Variants in TRDN observed in about 807,000 individuals in gnomAD.
The protein encoded by TRDN is triadin, also known as triadin in skeletal muscle.
Under a neutral mutation model 149.7 loss-of-function variants are expected in TRDN, and 161 were observed. The observed-to-expected ratio is 1.08, with a 90% CI of 0.95 to 1.23. The LOEUF (loss-of-function observed/expected upper bound fraction) is 1.23, where lower values mean the gene tolerates loss of function less well. Among genes scored for constraint, TRDN ranks in the 50% most tolerant of loss-of-function variants. The pLI is 0.00. For synonymous variants in TRDN, 294 were observed against 250.5 expected (o/e 1.17, Z -1.64); for missense variants, 896 against 823.5 (o/e 1.09, Z -1.08).
chr6:123,410,704 T>A (rs1266792780), intron 12 of TRDN, among the ~76,000 whole-genome samples: 1 of 152,060 alleles, frequency 6.6e-6, no homozygotes, highest in Non-Finnish European at 1.5e-5. Context: ...TTTATACATA[T>A]CTGGACATCA....
At chr6:123,385,316 T>G (rs1781866392) in intron 14 of TRDN, among the ~76,000 whole-genome samples, 1 of 151,368 alleles carries the variant, frequency 6.6e-6, no homozygotes, top group Admixed American at 6.6e-5. Flanking sequence ...TAGTACCAAC[T>G]ACTCGGGAGA....
chr6:123,422,196 T>C (rs1001977976), intron 12 of TRDN, among the ~76,000 whole-genome samples: 4 of 152,144 alleles, frequency 2.6e-5, no homozygotes, highest in Non-Finnish European at 4.4e-5. Context: ...TGGATTTTGG[T>C]ATTCCTGAGG....
At chr6:123,437,669 G>A in intron 12 of TRDN, among the ~76,000 whole-genome samples, 1 of 152,022 alleles carries the variant, frequency 6.6e-6, no homozygotes, top group Admixed American at 6.6e-5. Flanking sequence ...GGAAGAGTAG[G>A]AGCCTAACTT....
chr6:123,593,994 A>G (rs1464133603), intron 1 of TRDN, among the ~76,000 whole-genome samples: 3 of 152,170 alleles, frequency 2.0e-5, no homozygotes, highest in African/African-American at 7.2e-5. Context: ...AACTGAAATC[A>G]TCCAAGGGAT....
chr6:123,572,229 G>T (rs751715421), intron 1 of TRDN, among the ~76,000 whole-genome samples: 6 of 151,820 alleles, frequency 4.0e-5, no homozygotes, highest in Non-Finnish European at 8.8e-5. Context: ...CTTTTCTTGT[G>T]GATTTTTCCT....
chr6:123,409,095 T>C (rs1773322643), intron 12 of TRDN, among the ~76,000 whole-genome samples: 2 of 152,162 alleles, frequency 1.3e-5, no homozygotes, highest in Non-Finnish European at 2.9e-5. Context: ...ATGAGGAACA[T>C]AGACTGGGTG....
intron 24 of TRDN, among the ~76,000 whole-genome samples, chr6:123,291,941 T>C (rs1480478456): frequency 3.3e-5 from 5 of 152,210 alleles, no homozygotes; most frequent in Admixed American, 2.6e-4. Context: ...TGTTTTGTCC[T>C]AGAGATCTGT....
chr6:123,613,982 G>C (rs556011581), intron 1 of TRDN, among the ~76,000 whole-genome samples: 8 of 152,160 alleles, frequency 5.3e-5, no homozygotes, highest in African/African-American at 1.9e-4. Flanking sequence ...TTGAAACCTA[G>C]AGACTGGAAG....
rs576352685 is a variant in TRDN at position 123,445,976 on chromosome 6, G to A, written c.932-6973C>T. Among the ~76,000 whole-genome samples, 99 of 146,076 alleles carry A rather than the reference G, an allele frequency of 6.8e-4. 8 individuals carry two copies. The highest frequency in any genetic ancestry group is 2.7e-3 in the African/African-American group (98 of 36,926). On this transcript the variant is annotated intron_variant, in intron 10 of 40. Coordinates refer to ENST00000334268, the MANE Select transcript of TRDN (RefSeq NM_006073.4). ...GCATTATTCACGATAGCAAAGACTT[G>A]GAACCAACCCAAATGTCCAACAATG...
At chr6:123,309,913 C>G (rs1778752760) in intron 24 of TRDN, among the ~76,000 whole-genome samples, 1 of 151,880 alleles carries the variant, frequency 6.6e-6, no homozygotes, top group African/African-American at 2.4e-5. Flanking sequence ...CCAGATCATA[C>G]AAGGTGCCAT....
intron 1 of TRDN, among the ~76,000 whole-genome samples, chr6:123,627,513 G>A (rs1785741000): frequency 6.6e-6 from 1 of 152,116 alleles, no homozygotes; most frequent in African/African-American, 2.4e-5. Flanking sequence ...TAGAGCACAG[G>A]CAAAGTAAAT....
At chr6:123,299,774 T>C (rs974332409) in intron 24 of TRDN, among the ~76,000 whole-genome samples, 1 of 152,036 alleles carries the variant, frequency 6.6e-6, no homozygotes, top group African/African-American at 2.4e-5. Context: ...TAAAAACTAG[T>C]TAATACATTG....
chr6:123,577,440 C>T (rs73539155), intron 1 of TRDN, among the ~76,000 whole-genome samples: 8,934 of 152,096 alleles, frequency 0.059, 353 homozygotes, highest in African/African-American at 0.093. Flanking sequence ...AAGATAATAG[C>T]CTGCAGCTCC....
At chr6:123,230,744 G>GTGTT (rs1479500195) in intron 38 of TRDN, among the ~76,000 whole-genome samples, 4 of 151,838 alleles carry the variant, frequency 2.6e-5, no homozygotes, top group Non-Finnish European at 5.9e-5. Flanking sequence ...TGTAGGCTGT[G>GTGTT]TGTTTATGTT....
intron 12 of TRDN, among the ~76,000 whole-genome samples, chr6:123,398,447 T>C (rs1772824683): frequency 6.6e-6 from 1 of 152,228 alleles, no homozygotes. Context: ...CCTCAAAATA[T>C]ATACATCCTT....
At chr6:123,229,253 C>A (rs1775503354) in intron 38 of TRDN, among the ~76,000 whole-genome samples, 1 of 151,822 alleles carries the variant, frequency 6.6e-6, no homozygotes, top group African/African-American at 2.4e-5. Flanking sequence ...TTGTATAACT[C>A]TTCAATACTT....
chr6:123,405,227 A>G (rs762417610), intron 12 of TRDN, among the ~76,000 whole-genome samples: 1 of 152,252 alleles, frequency 6.6e-6, no homozygotes, highest in Non-Finnish European at 1.5e-5. Flanking sequence ...TGCTGGAGCA[A>G]TGTGCATAGA....
rs1224529868 is a variant in TRDN, at chr6:123,471,583, G to T, written c.854-6600C>A. ...ACAGCTTAAACTTCTTAGATCAAAG[G>T]ACATCCTCCAGGCCAAAATGTTTCC... On this transcript the variant is annotated intron_variant, in intron 9 of 40. Coordinates refer to ENST00000334268, the MANE Select transcript of TRDN (RefSeq NM_006073.4). 3.3e-5 allele frequency: 5 copies of T among 152,242 alleles called. No individual in the cohort carries two copies. In the East Asian group the frequency reaches 9.7e-4, roughly 29 times the overall value. The allele number at this position is 152,242 out of a possible 1,614,324, so 9.4% of individuals were successfully genotyped here.
intron 1 of TRDN, among the ~76,000 whole-genome samples, chr6:123,616,663 G>T (rs1405455497): frequency 1.3e-5 from 2 of 152,038 alleles, no homozygotes; most frequent in Non-Finnish European, 2.9e-5. Context: ...CCTCATCAAA[G>T]GTATGTCTAC....
Sources: allele counts gnomAD v4.1 joint callset (sites outside exome capture counted in the v4.1 genomes callset), GRCh38; gene constraint gnomAD v4.1.1; transcripts MANE v1.5; gene names NCBI Gene and HGNC (gene_info 2026-07-23, HGNC 2026-07-21).